NKAIN3: variants seen among roughly 807,000 people sequenced by gnomAD.
NKAIN3 encodes sodium/potassium transporting ATPase interacting 3, also known as sodium/potassium-transporting ATPase subunit beta-1-interacting protein 3.
A neutral mutation model predicts 30.2 loss-of-function variants in NKAIN3; 25 were observed. The observed-to-expected ratio is 0.83, with a 90% CI of 0.60 to 1.16. The LOEUF (loss-of-function observed/expected upper bound fraction) is 1.16. Among genes scored for constraint, NKAIN3 ranks in the 50% most tolerant of loss-of-function variants. The pLI, the probability that NKAIN3 is intolerant of heterozygous loss-of-function variation, is 0.00. For missense variants in NKAIN3, 225 were observed against 254.1 expected (o/e 0.89, Z 0.78); for synonymous variants, 91 against 89.6 (o/e 1.02, Z -0.09).
At chr8:62,249,453 A>T (rs2129384965) in intron 1 of NKAIN3, among the ~76,000 whole-genome samples, 1 of 152,336 alleles carries the variant, frequency 6.6e-6, no homozygotes, top group Admixed American at 6.5e-5. Context: ...CCTTGATCCG[A>T]TACCTGGTTT....
chr8:62,597,585 T>C (rs1810871673), intron 3 of NKAIN3, among the ~76,000 whole-genome samples: 1 of 151,962 alleles, frequency 6.6e-6, no homozygotes, highest in African/African-American at 2.4e-5. Context: ...AAAATCTGAA[T>C]AGGTATTTTT....
At chr8:62,318,801 T>C (rs1250711041) in intron 1 of NKAIN3, among the ~76,000 whole-genome samples, 1 of 152,150 alleles carries the variant, frequency 6.6e-6, no homozygotes, top group Non-Finnish European at 1.5e-5. Context: ...TCTCTTTTTT[T>C]GTTGTGTCTC....
intron 5 of NKAIN3, among the ~76,000 whole-genome samples, chr8:62,951,105 G>A (rs1181803206): frequency 6.6e-6 from 1 of 152,018 alleles, no homozygotes; most frequent in African/African-American, 2.4e-5. Context: ...CACTGATAAA[G>A]ATATGTACTT....
intron 3 of NKAIN3, among the ~76,000 whole-genome samples, chr8:62,741,657 C>T (rs1473762941): frequency 6.6e-6 from 1 of 152,186 alleles, no homozygotes; most frequent in Non-Finnish European, 1.5e-5. Flanking sequence ...GTTACATTTT[C>T]ACAATTTACC....
At chr8:62,887,805 C>T (rs1197852776) in intron 4 of NKAIN3, among the ~76,000 whole-genome samples, 2 of 152,124 alleles carry the variant, frequency 1.3e-5, no homozygotes, top group Non-Finnish European at 2.9e-5. Context: ...TTTCATTAAA[C>T]CCCTTAGCAT....
intron 1 of NKAIN3, among the ~76,000 whole-genome samples, chr8:62,442,190 T>A (rs1805348312): frequency 6.6e-6 from 1 of 152,078 alleles, no homozygotes; most frequent in Non-Finnish European, 1.5e-5. Flanking sequence ...ATCTGTTCCT[T>A]GAAAGCTTGC....
chr8:62,988,006 A>G (rs748369702), downstream of NKAIN3, among the ~76,000 whole-genome samples: 78 of 152,202 alleles, frequency 5.1e-4, no homozygotes, highest in Non-Finnish European at 9.0e-4. Flanking sequence ...GCAAAAACCA[A>G]AGGGCTATAG....
At chr8:62,741,105 T>A (rs1300332640) in intron 3 of NKAIN3, among the ~76,000 whole-genome samples, 1 of 152,016 alleles carries the variant, frequency 6.6e-6, no homozygotes, top group East Asian at 1.9e-4. Flanking sequence ...CCCAGAACTC[T>A]CTTGGAATTG....
chr8:62,348,832 C>T lies in NKAIN3; in HGVS notation c.54+99705C>T, dbSNP rs530423041. 2.6e-5 allele frequency among the ~76,000 whole-genome samples: 4 copies of T among 152,298 alleles called. No homozygotes were observed. In the Middle Eastern group the frequency reaches 0.014, roughly 518 times the overall value. ...AATATAAGAAAAATAATATCATTTA[C>T]ACATTTCTCATCCAAAATATTGAAC... is the stretch of plus-strand genomic sequence containing the variant. On this transcript the variant is annotated intron_variant, in intron 1 of 6. Coordinates refer to ENST00000623646, the MANE Select transcript of NKAIN3 (RefSeq NM_001304533.3).
At chr8:62,931,692 T>A (rs1220386612) in intron 5 of NKAIN3, among the ~76,000 whole-genome samples, 2 of 152,146 alleles carry the variant, frequency 1.3e-5, no homozygotes, top group African/African-American at 4.8e-5. Context: ...CAAAAGAAAA[T>A]CTCATTCCAT....
intron 1 of NKAIN3, among the ~76,000 whole-genome samples, chr8:62,505,629 A>G (rs1184364882): frequency 2.0e-5 from 3 of 152,164 alleles, no homozygotes; most frequent in Admixed American, 1.3e-4. Flanking sequence ...ATCAAGCACT[A>G]TGATCTGACT....
chr8:62,876,688 T>A (rs1158533763), intron 4 of NKAIN3, among the ~76,000 whole-genome samples: 1 of 152,030 alleles, frequency 6.6e-6, no homozygotes, highest in Non-Finnish European at 1.5e-5. Context: ...CTGGAACCCA[T>A]CAGCCTCAGC....
intron 4 of NKAIN3, among the ~76,000 whole-genome samples, chr8:62,910,228 C>T (rs1286151504): frequency 1.3e-5 from 2 of 152,018 alleles, no homozygotes; most frequent in South Asian, 2.1e-4. Context: ...TTATAATAAT[C>T]CATGGTCTTA....
chr8:62,577,997 A>C (rs187524090), intron 1 of NKAIN3, among the ~76,000 whole-genome samples: 2 of 152,228 alleles, frequency 1.3e-5, no homozygotes. Context: ...ATTCAAGCAT[A>C]CACCTGCCAC....
intron 4 of NKAIN3, among the ~76,000 whole-genome samples, chr8:62,853,064 TC>T (rs1819957535): frequency 6.6e-6 from 1 of 152,152 alleles, no homozygotes; most frequent in South Asian, 2.1e-4. Flanking sequence ...TAACAAAGTC[TC>T]CCATTATTAT....
intron 4 of NKAIN3, among the ~76,000 whole-genome samples, chr8:62,911,387 A>G (rs1014104385): frequency 1.3e-5 from 2 of 152,210 alleles, no homozygotes; most frequent in Non-Finnish European, 1.5e-5. Flanking sequence ...TACAAAAACT[A>G]TCAAGCAACT....
intron 4 of NKAIN3, chr8:62,855,199 G>A (rs749977873): frequency 9.1e-6 from 3 of 330,868 alleles, no homozygotes; most frequent in Non-Finnish European, 1.7e-5. Flanking sequence ...AACTTCTATT[G>A]GGCAGACTCT....
chr8:62,280,909 C>A lies in NKAIN3; in HGVS notation c.54+31782C>A, dbSNP rs189827993. On this transcript the variant is annotated intron_variant, in intron 1 of 6. Transcript: ENST00000623646. ...CTCATAAAATGAGTTAGGGAGGATTCCCTCTTTTTCTATTGATTGGAATAG... is the reference window on the plus strand; with the variant it reads ...CTCATAAAATGAGTTAGGGAGGATTACCTCTTTTTCTATTGATTGGAATAG... Among the ~76,000 whole-genome samples, 653 of 152,240 alleles carry A rather than the reference C, an allele frequency of 4.3e-3. 4 individuals are homozygous for A. The highest frequency in any genetic ancestry group is 0.015 in the African/African-American group (620 of 41,530).
At chr8:62,560,591 G>T (rs1809540005) in intron 1 of NKAIN3, among the ~76,000 whole-genome samples, 1 of 116,492 alleles carries the variant, frequency 8.6e-6, no homozygotes, top group Non-Finnish European at 1.6e-5. Flanking sequence ...CCAGGCTGTA[G>T]TGCAATGGCA....
Sources: allele counts gnomAD v4.1 joint callset (sites outside exome capture counted in the v4.1 genomes callset), GRCh38; gene constraint gnomAD v4.1.1; transcripts MANE v1.5; gene names NCBI Gene and HGNC (gene_info 2026-07-23, HGNC 2026-07-21).